MALRD1: variants seen among roughly 807,000 people sequenced by gnomAD.
MALRD1 encodes the protein MAM and LDL receptor class A domain containing 1.
In MALRD1, 247 loss-of-function variants were observed where a neutral mutation model predicts 242.1. That is an observed-to-expected ratio of 1.02 (90% CI 0.92 to 1.13). The LOEUF (loss-of-function observed/expected upper bound fraction) is 1.13, where lower values mean the gene tolerates loss of function less well. Among genes scored for constraint, MALRD1 ranks in the 50% most tolerant of loss-of-function variants. The probability of loss-of-function intolerance (pLI) is 0.00; values close to 1 mark genes in which losing one functional copy is unlikely to be tolerated. For missense variants in MALRD1, 2,989 were observed against 2,533.1 expected (o/e 1.18, Z -3.86); for synonymous variants, 995 against 866.6 (o/e 1.15, Z -2.60).
chr10:19,518,661 A>T (rs1177135878), intron 31 of MALRD1, among the ~76,000 whole-genome samples: 1 of 149,648 alleles, frequency 6.7e-6, no homozygotes, highest in African/African-American at 2.4e-5. Context: ...TAATGGTGTG[A>T]ACATTTTTTT....
chr10:19,274,782 G>A (rs1037355574), intron 19 of MALRD1, among the ~76,000 whole-genome samples: 9 of 152,208 alleles, frequency 5.9e-5, no homozygotes, highest in African/African-American at 2.2e-4. Context: ...AGTCAATATC[G>A]TAGAAACAAA....
intron 32 of MALRD1, among the ~76,000 whole-genome samples, chr10:19,545,453 A>T (rs182272753): frequency 1.3e-5 from 2 of 152,274 alleles, no homozygotes; most frequent in African/African-American, 4.8e-5. Context: ...TTGGTTGGGT[A>T]TAGATTTCTA....
At chr10:19,629,501 A>G (rs565109055) in intron 36 of MALRD1, among the ~76,000 whole-genome samples, 150 of 152,276 alleles carry the variant, frequency 9.9e-4, no homozygotes, top group African/African-American at 3.5e-3. Context: ...AGCTCACTCC[A>G]TCACCCATCC....
chr10:19,070,545 A>T lies in MALRD1; in HGVS notation c.340+3686A>T, dbSNP rs142921253. On this transcript the variant is annotated intron_variant, in intron 2 of 39. Coordinates refer to ENST00000454679, the MANE Select transcript of MALRD1 (RefSeq NM_001142308.3). ...AATTTTTAATAGGTTGTTTTAGTTT[A>T]AAAAAGTTCTCTGTTACCTTTTCAT... 1.9e-3 allele frequency among the ~76,000 whole-genome samples: 292 copies of T among 152,220 alleles called. 1 individual carries two copies. The highest frequency in any genetic ancestry group is 6.7e-3 in the African/African-American group (277 of 41,560).
At chr10:19,086,871 T>C (rs1835685767) in intron 2 of MALRD1, among the ~76,000 whole-genome samples, 1 of 152,024 alleles carries the variant, frequency 6.6e-6, no homozygotes, top group Admixed American at 6.6e-5. Flanking sequence ...GTCTTGCTTA[T>C]CTGAGAGGGA....
chr10:19,615,950 T>C, intron 36 of MALRD1, 27 bp downstream of exon 36: 4 of 1,513,478 alleles, frequency 2.6e-6, no homozygotes, highest in Non-Finnish European at 3.5e-6. Context: ...AATTTTTTTT[T>C]TTAAGATTTT....
intron 4 of MALRD1, among the ~76,000 whole-genome samples, chr10:19,098,397 G>T (rs1836121995): frequency 6.6e-6 from 1 of 152,004 alleles, no homozygotes; most frequent in South Asian, 2.1e-4. Context: ...AGAAAGAATA[G>T]AATTTATTAA....
chr10:19,603,429 A>G (rs532021026), intron 34 of MALRD1, among the ~76,000 whole-genome samples: 1 of 152,248 alleles, frequency 6.6e-6, no homozygotes, highest in East Asian at 1.9e-4. Context: ...CAGTTTTCCC[A>G]GCACCATTTA....
At chr10:19,199,382 G>A (rs548526396) in intron 14 of MALRD1, among the ~76,000 whole-genome samples, 10 of 152,314 alleles carry the variant, frequency 6.6e-5, no homozygotes, top group African/African-American at 2.4e-4. Context: ...TAACTTAATA[G>A]AAGCTGTATA....
At chr10:19,269,136 T>C (rs368768964) in intron 19 of MALRD1, among the ~76,000 whole-genome samples, 52 of 152,208 alleles carry the variant, frequency 3.4e-4, no homozygotes, top group African/African-American at 1.2e-3. Context: ...TAAGCAATTA[T>C]AGGCCAACAA....
chr10:19,290,035 A>G (rs1365425869), intron 21 of MALRD1, among the ~76,000 whole-genome samples: 2 of 152,192 alleles, frequency 1.3e-5, no homozygotes, highest in Admixed American at 1.3e-4. Context: ...AACAATAAAA[A>G]GTCTAAAGAA....
chr10:19,382,507 T>G (rs1372644804), intron 26 of MALRD1, among the ~76,000 whole-genome samples: 3 of 152,210 alleles, frequency 2.0e-5, no homozygotes, highest in Admixed American at 2.0e-4. Flanking sequence ...GGCATAGTTG[T>G]GTCAGTTAAT....
At chr10:19,674,704 T>G (rs563988964) in intron 36 of MALRD1, among the ~76,000 whole-genome samples, 1 of 152,188 alleles carries the variant, frequency 6.6e-6, no homozygotes, top group African/African-American at 2.4e-5. Flanking sequence ...GGAGAAAAAT[T>G]TCAAAAACCT....
chr10:19,510,559 C>T (rs947964498), intron 31 of MALRD1, among the ~76,000 whole-genome samples: 15 of 152,122 alleles, frequency 9.9e-5, no homozygotes, highest in Non-Finnish European at 1.9e-4. Flanking sequence ...TTTAACAAAG[C>T]ACATCCTGCA....
chr10:19,392,865 A>G (rs1846396664), intron 28 of MALRD1, among the ~76,000 whole-genome samples: 1 of 152,188 alleles, frequency 6.6e-6, no homozygotes, highest in South Asian at 2.1e-4. Context: ...CAGAGGGTTT[A>G]CTAGGTAGGA....
chr10:19,664,035 C>G (rs1333902660), intron 36 of MALRD1, among the ~76,000 whole-genome samples: 1 of 152,002 alleles, frequency 6.6e-6, no homozygotes, highest in African/African-American at 2.4e-5. Context: ...GAATTCATCC[C>G]TAAGTGGTTC....
chr10:19,529,549 G>GA (rs900884807), intron 31 of MALRD1, among the ~76,000 whole-genome samples: 4 of 147,138 alleles, frequency 2.7e-5, no homozygotes, highest in Middle Eastern at 3.3e-3. Flanking sequence ...AAACAGGAGG[G>GA]GGGGGGAGAA....
chr10:19,209,311 G>A lies in MALRD1; in HGVS notation c.2622G>A (p.Trp874Ter). 1.9e-6 allele frequency: 3 copies of A among 1,548,174 alleles called. No homozygotes were observed. Among genetic ancestry groups the A allele is most frequent in the Admixed American group, 2.0e-5 (1 of 50,532 alleles). ...QCNFETGICN[W>*]EQDAKDDFDW... ...ACTTTGAAACTGGAATCTGTAACTG[G>A]GAACAAGATGCAAAAGATGACTTTG... Residue 874 changes from tryptophan (W) to a stop codon, truncating the protein, a stop_gained, in exon 18 of 40, where the codon TGG (tryptophan) becomes TGA (stop). Coordinates refer to ENST00000454679, the MANE Select transcript of MALRD1 (RefSeq NM_001142308.3). LOFTEE classifies it high-confidence loss of function.
chr10:19,213,130 C>T (rs1425127857), intron 18 of MALRD1, among the ~76,000 whole-genome samples: 2 of 151,968 alleles, frequency 1.3e-5, no homozygotes, highest in African/African-American at 4.8e-5. Context: ...ATAAATCATG[C>T]TGTGGGGTCA....
Sources: gnomAD v4.1 joint callset for allele counts (sites outside exome capture counted in the v4.1 genomes callset) on GRCh38, gnomAD v4.1.1 for gene constraint, MANE v1.5 for transcripts, NCBI Gene and HGNC (gene_info 2026-07-23, HGNC 2026-07-21) for gene names.